Variants in DOK7 observed in about 807,000 individuals in gnomAD.
The protein encoded by DOK7 is protein Dok-7.
DOK7 carries 32 observed loss-of-function variants against 30.7 expected under a neutral mutation model. The observed-to-expected ratio is 1.04, with a 90% CI of 0.79 to 1.40. The LOEUF is 1.40. Among genes scored for constraint, DOK7 ranks in the 40% most tolerant of loss-of-function variants. The pLI is 0.00. For synonymous variants in DOK7, 447 were observed against 324.1 expected, an observed-to-expected ratio of 1.38 and a Z score of -4.07; for missense variants, 1,007 against 699.2, an observed-to-expected ratio of 1.44 and a Z score of -4.97.
At chr4:3,487,979 A>C in intron 5 of DOK7, among the ~76,000 whole-genome samples, 1 of 152,364 alleles carries the variant, frequency 6.6e-6, no homozygotes, top group East Asian at 1.9e-4. Flanking sequence ...TGAAAGTGCC[A>C]GGAGCTGCTA....
rs775008753 is a variant in DOK7, at chr4:3,492,752, G to A, written c.773-7G>A. On this transcript the variant is annotated splice_polypyrimidine_tract_variant and splice_region_variant and intron_variant, in intron 6 of 6. Transcript: ENST00000340083. ...CACAACTGCCTTGGCTTCCTGCTCT[G>A]TCTCAGGGGATGACCGCAGCCTGTC... 1.4e-5 allele frequency: 22 copies of A among 1,612,218 alleles called. No individual in the cohort carries two copies. In the East Asian group the frequency reaches 2.5e-4, roughly 18 times the overall value.
chr4:3,493,802 C>A lies in DOK7; in HGVS notation c.*301C>A. On this transcript the variant is annotated 3_prime_UTR_variant, in exon 7 of 7. Coordinates refer to ENST00000340083, the MANE Select transcript of DOK7 (RefSeq NM_173660.5). ...CCCTGAGGATCAGGTGAGTGCTGCACCTCTGTTGGCTCGTGCCTTGCACTG... is the reference window on the plus strand; with the variant it reads ...CCCTGAGGATCAGGTGAGTGCTGCAACTCTGTTGGCTCGTGCCTTGCACTG... The A allele has an allele frequency of 3.8e-6, 5 of 1,317,342 alleles. No individual in the cohort carries two copies. The highest frequency in any genetic ancestry group is 4.8e-6 in the Non-Finnish European group (5 of 1,034,328). 81.6% of individuals were successfully genotyped at this position (1,317,342 alleles called of 1,614,324 possible).
intron 2 of DOK7, among the ~76,000 whole-genome samples, chr4:3,466,286 T>C (rs1170684033): frequency 1.3e-5 from 2 of 151,850 alleles, no homozygotes; most frequent in Non-Finnish European, 2.9e-5. Context: ...CTATCCTTGC[T>C]CTCGGTGGGA....
intron 2 of DOK7, among the ~76,000 whole-genome samples, chr4:3,468,672 G>A (rs1461663990): frequency 6.6e-6 from 1 of 150,560 alleles, no homozygotes; most frequent in Admixed American, 6.6e-5. Context: ...GTGTGCCTGT[G>A]TGCATGCCTG....
At chr4:3,500,409 T>A (rs1299228788) in intron 7 of DOK7, 1 of 1,535,246 alleles carries the variant, frequency 6.5e-7, no homozygotes, top group African/African-American at 1.4e-5. Flanking sequence ...CCGAGGTGGG[T>A]CCCCGCCCTG....
chr4:3,500,383 A>C (rs1242983693), exon 7 of DOK7: 17 of 1,535,888 alleles, frequency 1.1e-5, no homozygotes, highest in Non-Finnish European at 1.5e-5. Context: ...GAGCTCCAGG[A>C]GGCCAGCGAG....
At chr4:3,490,801 G>GC (rs151279121) in intron 6 of DOK7, among the ~76,000 whole-genome samples, 6,589 of 35,244 alleles carry the variant, frequency 0.19, 545 homozygotes, top group Admixed American at 0.22. Flanking sequence ...TCCTTCCTCT[G>GC]CCCCCCCGCT....
chr4:3,468,915 ATG>A (rs141567329), intron 2 of DOK7, among the ~76,000 whole-genome samples: 4,733 of 137,712 alleles, frequency 0.034, 114 homozygotes, highest in Middle Eastern at 0.075. Flanking sequence ...CTGTGTGTGT[ATG>A]TGTGTATGAG....
At chr4:3,484,515 C>G in intron 4 of DOK7, 1 of 985,530 alleles carries the variant, frequency 1.0e-6, no homozygotes, top group Non-Finnish European at 1.2e-6. Flanking sequence ...GCCGGAGTGT[C>G]CAGCCGGGTG....
intron 7 of DOK7, chr4:3,500,600 G>C: frequency 6.5e-7 from 1 of 1,527,804 alleles, no homozygotes; most frequent in Non-Finnish European, 8.8e-7. Flanking sequence ...AGATGCTTCC[G>C]AGGGCCTGGC....
At chr4:3,486,464 TGTG>T (rs1727797985) in intron 5 of DOK7, among the ~76,000 whole-genome samples, 1 of 152,172 alleles carries the variant, frequency 6.6e-6, no homozygotes, top group African/African-American at 2.4e-5. Flanking sequence ...CCCGCCGTGG[TGTG>T]GCGGGGAAGG....
chr4:3,485,854 C>A (rs749141166), intron 5 of DOK7, among the ~76,000 whole-genome samples, 196 bp downstream of exon 5: 2 of 152,248 alleles, frequency 1.3e-5, no homozygotes, highest in Non-Finnish European at 2.9e-5. Flanking sequence ...TTCAGAGCAG[C>A]GGGGGCTGGG....
At position 3,494,174 on chromosome 4, in the gene DOK7, C is replaced by G. The variant is rs1014549448; in HGVS notation, c.*673C>G. 3 of 985,458 alleles carry G rather than the reference C, an allele frequency of 3.0e-6. No homozygotes were observed. The highest frequency in any genetic ancestry group is 1.7e-5 in the African/African-American group (1 of 57,262). The allele number at this position is 985,458 out of a possible 1,614,324, so 61.0% of individuals were successfully genotyped here. A position where few individuals can be genotyped will look rare whatever the true frequency, so the allele number is the denominator to read the frequency against. The stretch of plus-strand genomic sequence containing the variant: ...AGAGCAGCCTCGCCTGCTGACCCCA[C>G]TGGGAGAGGCGCCGTGCCTCGGGCC... On this transcript the variant is annotated 3_prime_UTR_variant, in exon 7 of 7. Transcript: ENST00000340083.
At chr4:3,496,852 A>G, downstream of DOK7, 1 of 1,531,790 alleles carries the variant, frequency 6.5e-7, no homozygotes, top group South Asian at 1.2e-5. Context: ...GACCTGCGAC[A>G]GCACATTCAG....
chr4:3,483,978 G>T (rs1021752926), intron 4 of DOK7, among the ~76,000 whole-genome samples: 1 of 152,160 alleles, frequency 6.6e-6, no homozygotes, highest in South Asian at 2.1e-4. Context: ...AGCGGGCATT[G>T]GCCTCCCCTC....
intron 2 of DOK7, among the ~76,000 whole-genome samples, chr4:3,463,843 C>T (rs1223082603): frequency 6.6e-6 from 1 of 152,154 alleles, no homozygotes; most frequent in East Asian, 1.9e-4. Flanking sequence ...CAAGGGGCCC[C>T]CCAGAAGCAA....
At chr4:3,489,091 G>C (rs12507200) in intron 5 of DOK7, among the ~76,000 whole-genome samples, 27,031 of 152,152 alleles carry the variant, frequency 0.18, 2,857 homozygotes, top group South Asian at 0.31. Flanking sequence ...TAGAGAAGGC[G>C]AGGCTGGTGC....
Position 3,494,177 on chromosome 4 carries a change from G to T in DOK7, c.*676G>T. The T allele has an allele frequency of 1.0e-6, 1 of 985,528 alleles. No homozygotes were observed. The highest frequency in any genetic ancestry group is 1.2e-6 in the Non-Finnish European group (1 of 829,990). The allele number at this position is 985,528 out of a possible 1,614,324, so 61.0% of individuals were successfully genotyped here. A position where few individuals can be genotyped will look rare whatever the true frequency, so the allele number is the denominator to read the frequency against. On this transcript the variant is annotated 3_prime_UTR_variant, in exon 7 of 7. Coordinates refer to ENST00000340083, the MANE Select transcript of DOK7 (RefSeq NM_173660.5). ...GCAGCCTCGCCTGCTGACCCCACTGGGAGAGGCGCCGTGCCTCGGGCCCCT... is the reference window on the plus strand; with the variant it reads ...GCAGCCTCGCCTGCTGACCCCACTGTGAGAGGCGCCGTGCCTCGGGCCCCT...
intron 6 of DOK7, 137 bp from the exon 7 acceptor site, chr4:3,492,621 AG>A (rs1728552273): frequency 2.6e-6 from 3 of 1,169,780 alleles, no homozygotes; most frequent in South Asian, 1.3e-5. Flanking sequence ...TTTCTGCTGT[AG>A]GCCCCGGGGC....
Sources: allele counts gnomAD v4.1 joint callset (sites outside exome capture counted in the v4.1 genomes callset), GRCh38; gene constraint gnomAD v4.1.1; transcripts MANE v1.5; gene names NCBI Gene and HGNC (gene_info 2026-07-23, HGNC 2026-07-21).